SOX9: variants seen among roughly 807,000 people sequenced by gnomAD.
SOX9 encodes transcription factor SOX-9.
In SOX9, 2 loss-of-function variants were observed where a neutral mutation model predicts 44.8. The observed-to-expected ratio is 0.04, with a 90% CI of 0.02 to 0.14. The LOEUF is 0.14. Among genes scored for constraint, SOX9 ranks in the 10% least tolerant of loss-of-function variants. SOX9 has a pLI of 1.00. For synonymous variants in SOX9, 381 were observed against 331.8 expected (o/e 1.15, Z -1.61); for missense variants, 583 against 728.6 (o/e 0.80, Z 2.30).
In SOX9 at chr17:72,122,821, G is replaced by A. The variant is rs1447795220; in HGVS notation, c.534G>A (p.Arg178=). The A allele has an allele frequency of 7.4e-6, 12 of 1,614,186 alleles. No individual in the cohort carries two copies. In the East Asian group the frequency reaches 1.8e-4, roughly 24 times the overall value. ...DHPDYKYQPR[R]RKSVKNGQAE... is the part of the protein sequence containing the mutation. ...CGGATTACAAGTACCAGCCGCGGCG[G>A]AGGAAGTCGGTGAAGAACGGGCAGG... is the stretch of plus-strand genomic sequence containing the variant. The change falls in exon 2 of 3, where the codon CGG becomes CGA. Residue 178 remains arginine, a synonymous_variant. Transcript: ENST00000245479.
Position 72,122,867 on chromosome 17 carries a change from G to A in SOX9, c.580G>A (p.Glu194Lys), listed in dbSNP as rs1174185362. ...NGQAEAEEAT[E>K]QTHISPNAIF... Reference sequence around the variant, plus strand: ...GCAGGCGGAGGCAGAGGAGGCCACGGAGCAGACGCACATCTCCCCCAACGC... The same window carrying A: ...GCAGGCGGAGGCAGAGGAGGCCACGAAGCAGACGCACATCTCCCCCAACGC... The change falls in exon 2 of 3, where the codon GAG becomes AAG. Residue 194 changes from glutamate (E) to lysine (K), a missense_variant. Coordinates refer to ENST00000245479, the MANE Select transcript of SOX9 (RefSeq NM_000346.4). 6.2e-7 allele frequency: 1 copy of A among 1,614,052 alleles called. No homozygotes were observed.
intron 1 of SOX9, 106 bp from the exon 2 acceptor site, chr17:72,122,613 C>T: frequency 3.9e-6 from 4 of 1,018,324 alleles, no homozygotes; most frequent in Non-Finnish European, 6.0e-6. Flanking sequence ...CAGAGGAAGC[C>T]GAGTGGTCTG....
In SOX9 at chr17:72,121,076, G is replaced by C. The variant is rs535114105; in HGVS notation, c.-316G>C. 3 of 545,130 alleles carry C rather than the reference G, an allele frequency of 5.5e-6. No homozygotes were observed. In the Admixed American group the frequency reaches 1.1e-4, roughly 19 times the overall value. 33.8% of individuals were successfully genotyped at this position (545,130 alleles called of 1,614,324 possible). Reference sequence around the variant, plus strand: ...GGAAACTTCAGTGGCGCGGAGACTCGCCAGTTTCAACCCCGGAAACTTTTC... The same window carrying C: ...GGAAACTTCAGTGGCGCGGAGACTCCCCAGTTTCAACCCCGGAAACTTTTC... On this transcript the variant is annotated 5_prime_UTR_variant, in exon 1 of 3. Transcript: ENST00000245479. This position sits in a 1 kb window ranked among gnomAD's most constrained non-coding sequence, Gnocchi z 8.3.
rs1287394939 is a variant in SOX9 at position 72,124,313 on chromosome 17, G to A, written c.1456G>A (p.Val486Ile). The A allele has an allele frequency of 1.9e-6, 3 of 1,606,142 alleles. No homozygotes were observed. Among genetic ancestry groups the A allele is most frequent in the Non-Finnish European group, 2.5e-6 (3 of 1,179,954 alleles). The change falls in exon 3 of 3, where the codon GTC (valine) becomes ATC (isoleucine). Residue 486 changes from valine (V) to isoleucine (I), a missense_variant. Around this residue, in one of 7 missense-constraint regions of SOX9, gnomAD observed 349 missense variants for 387.0 expected, o/e 0.90. Coordinates refer to ENST00000245479, the MANE Select transcript of SOX9 (RefSeq NM_000346.4). The surrounding 1 kb of genome is among the most constrained non-coding windows in gnomAD (Gnocchi z 4.6). Reference protein sequence around the residue: ...MYTPIADTSGVPSIPQTHSPQ... With the variant: ...MYTPIADTSGIPSIPQTHSPQ... ...CACCCCCATCGCCGACACCTCTGGG[G>A]TCCCTTCCATCCCGCAGACCCACAG...
Position 72,124,365 on chromosome 17 carries a change from A to G in SOX9, c.1508A>G (p.Tyr503Cys), listed in dbSNP as rs2143258970. ...HSPQHWEQPV[Y>C]TQLTRP ...CCCCAGCACTGGGAACAACCCGTCT[A>G]CACACAGCTCACTCGACCTTGAGGA... The change falls in exon 3 of 3, where the codon TAC (tyrosine) becomes TGC (cysteine). Residue 503 changes from tyrosine (Y) to cysteine (C), a missense_variant. Physicochemically the swap from Tyr to Cys is radical, Grantham distance 194. Transcript: ENST00000245479. This position sits in a 1 kb window ranked among gnomAD's most constrained non-coding sequence, Gnocchi z 4.6. 6.2e-7 allele frequency: 1 copy of G among 1,600,514 alleles called. No individual in the cohort carries two copies. The highest frequency in any genetic ancestry group is 8.5e-7 in the Non-Finnish European group (1 of 1,179,958).
Position 72,124,358 on chromosome 17 carries a change from C to A in SOX9, c.1501C>A (p.Pro501Thr), listed in dbSNP as rs2143258882. 1 of 1,600,688 alleles carries A rather than the reference C, an allele frequency of 6.2e-7. No homozygotes were observed. The highest frequency in any genetic ancestry group is 1.3e-5 in the African/African-American group (1 of 75,018). ...CCACAGCCCCCAGCACTGGGAACAA[C>A]CCGTCTACACACAGCTCACTCGACC... is the stretch of plus-strand genomic sequence containing the variant. ...QTHSPQHWEQ[P>T]VYTQLTRP The change falls in exon 3 of 3, where the codon CCC (proline) becomes ACC (threonine). Residue 501 changes from proline (P) to threonine (T), a missense_variant. Transcript: ENST00000245479. This position sits in a 1 kb window ranked among gnomAD's most constrained non-coding sequence, Gnocchi z 4.6.
chr17:72,123,476 G>A lies in SOX9; in HGVS notation c.686-67G>A, dbSNP rs1163148900. On this transcript the variant is annotated intron_variant, in intron 2 of 2. Transcript: ENST00000245479. This position sits in a 1 kb window ranked among gnomAD's most constrained non-coding sequence, Gnocchi z 6.5. ...CAGCGAGGGAGGGTCCCCGGAGGGT[G>A]CCTAAGACTAGGGCGTCTGCACAGC... 5 of 1,607,522 alleles carry A rather than the reference G, an allele frequency of 3.1e-6. No individual in the cohort carries two copies. In the African/African-American group the frequency reaches 4.0e-5, roughly 13 times the overall value.
In SOX9 at chr17:72,126,255, T is replaced by C. The variant is rs1397112942; in HGVS notation, c.*1868T>C. On this transcript the variant is annotated 3_prime_UTR_variant, in exon 3 of 3. Coordinates refer to ENST00000245479, the MANE Select transcript of SOX9 (RefSeq NM_000346.4). Reference sequence around the variant, plus strand: ...TGGCATTTAAATCATATTTTGTCTTTAGGTAAAAGCTTTGGTTTGTGTTCG... The same window carrying C: ...TGGCATTTAAATCATATTTTGTCTTCAGGTAAAAGCTTTGGTTTGTGTTCG... The C allele has an allele frequency of 1.3e-5, 3 of 233,220 alleles. No homozygotes were observed. Among genetic ancestry groups the C allele is most frequent in the South Asian group, 1.8e-4 (1 of 5,524 alleles). The allele number at this position is 233,220 out of a possible 1,614,324, so 14.4% of individuals were successfully genotyped here.
rs1480485290 is a variant in SOX9 at position 72,125,562 on chromosome 17, T to A, written c.*1175T>A. 8.8e-6 allele frequency: 2 copies of A among 228,424 alleles called. No homozygotes were observed. Among genetic ancestry groups the A allele is most frequent in the Non-Finnish European group, 1.7e-5 (2 of 115,222 alleles). 14.1% of individuals were successfully genotyped at this position (228,424 alleles called of 1,614,324 possible). A position where few individuals can be genotyped will look rare whatever the true frequency, so the allele number is the denominator to read the frequency against. On this transcript the variant is annotated 3_prime_UTR_variant, in exon 3 of 3. Coordinates refer to ENST00000245479, the MANE Select transcript of SOX9 (RefSeq NM_000346.4). ...TAAAACAAAAAAAAATTCTTTTTTT[T>A]TTTTTTTTCCAATTTTACCTTCTTT...
rs772231279 is a variant in SOX9, at chr17:72,123,815, G to A, written c.958G>A (p.Gly320Ser). 2.0e-5 allele frequency: 32 copies of A among 1,611,182 alleles called. 1 individual carries two copies. The South Asian group carries it at 3.0e-4, about 15-fold the overall frequency. ...HGQVTYTGSY[G>S]ISSTAATPAS... is the part of the protein sequence containing the mutation. Reference sequence around the variant, plus strand: ...CCAGGTCACCTACACGGGCAGCTACGGCATCAGCAGCACCGCGGCCACCCC... The same window carrying A: ...CCAGGTCACCTACACGGGCAGCTACAGCATCAGCAGCACCGCGGCCACCCC... Residue 320 changes from glycine to serine, a missense_variant, in exon 3 of 3, where the codon GGC becomes AGC. By Grantham distance (56) the Gly-to-Ser change is moderately conservative (BLOSUM62 0). Transcript: ENST00000245479. The surrounding 1 kb of genome is among the most constrained non-coding windows in gnomAD (Gnocchi z 6.5).
Position 72,121,354 on chromosome 17 carries a change from C to A in SOX9, c.-38C>A, listed in dbSNP as rs752855026. The A allele has an allele frequency of 6.3e-7, 1 of 1,595,904 alleles. No individual in the cohort carries two copies. Among genetic ancestry groups the A allele is most frequent in the South Asian group, 1.1e-5 (1 of 90,456 alleles). ...GTCCCCGAGCCGCCGCGGCTTCTCG[C>A]CTTTCCCGGCCACCAGCCCCCTGCC... On this transcript the variant is annotated 5_prime_UTR_variant, in exon 1 of 3. Coordinates refer to ENST00000245479, the MANE Select transcript of SOX9 (RefSeq NM_000346.4). This position sits in a 1 kb window ranked among gnomAD's most constrained non-coding sequence, Gnocchi z 8.3.
chr17:72,123,803 A>T lies in SOX9; in HGVS notation c.946A>T (p.Thr316Ser), dbSNP rs1316101365. ...VPATHGQVTYTGSYGISSTAA... is the reference protein window; with the variant it reads ...VPATHGQVTYSGSYGISSTAA... ...GGCCACGCACGGCCAGGTCACCTACACGGGCAGCTACGGCATCAGCAGCAC... is the reference window on the plus strand; with the variant it reads ...GGCCACGCACGGCCAGGTCACCTACTCGGGCAGCTACGGCATCAGCAGCAC... The change falls in exon 3 of 3, where the codon ACG (threonine) becomes TCG (serine). Residue 316 changes from threonine to serine, a missense_variant. Thr to Ser is a moderately conservative substitution (Grantham distance 58). Around this residue, in one of 7 missense-constraint regions of SOX9, gnomAD observed 349 missense variants for 387.0 expected, o/e 0.90. Coordinates refer to ENST00000245479, the MANE Select transcript of SOX9 (RefSeq NM_000346.4). The surrounding 1 kb of genome is among the most constrained non-coding windows in gnomAD (Gnocchi z 6.5). 2 of 1,611,990 alleles carry T rather than the reference A, an allele frequency of 1.2e-6. No individual in the cohort carries two copies. The highest frequency in any genetic ancestry group is 1.7e-6 in the Non-Finnish European group (2 of 1,179,616).
In SOX9 at chr17:72,123,454, C is replaced by T. The variant is rs1355978365; in HGVS notation, c.686-89C>T. 6.4e-7 allele frequency: 1 copy of T among 1,569,406 alleles called. No homozygotes were observed. Among genetic ancestry groups the T allele is most frequent in the Non-Finnish European group, 8.8e-7 (1 of 1,141,872 alleles). The stretch of plus-strand genomic sequence containing the variant: ...GCGGGCCCTTATTACACTTTAGCAG[C>T]GAGGGAGGGTCCCCGGAGGGTGCCT... On this transcript the variant is annotated intron_variant, in intron 2 of 2. Coordinates refer to ENST00000245479, the MANE Select transcript of SOX9 (RefSeq NM_000346.4). This position sits in a 1 kb window ranked among gnomAD's most constrained non-coding sequence, Gnocchi z 6.5.
In SOX9 at chr17:72,125,980, G is replaced by T. The variant is rs769581515; in HGVS notation, c.*1593G>T. 8.6e-6 allele frequency: 2 copies of T among 232,348 alleles called. No individual in the cohort carries two copies. The highest frequency in any genetic ancestry group is 8.5e-6 in the Non-Finnish European group (1 of 117,646). The allele number at this position is 232,348 out of a possible 1,614,324, so 14.4% of individuals were successfully genotyped here. A position where few individuals can be genotyped will look rare whatever the true frequency, so the allele number is the denominator to read the frequency against. On this transcript the variant is annotated 3_prime_UTR_variant, in exon 3 of 3. Transcript: ENST00000245479. ...CCATATTTCTCTGCATCTTCTCTTGGAGTGAGGGAGGCTACCTGGAGGGGA... is the reference window on the plus strand; with the variant it reads ...CCATATTTCTCTGCATCTTCTCTTGTAGTGAGGGAGGCTACCTGGAGGGGA...
rs2143257504 is a variant in SOX9 at position 72,124,244 on chromosome 17, T to C, written c.1387T>C (p.Tyr463His). 1 of 1,612,476 alleles carries C rather than the reference T, an allele frequency of 6.2e-7. No individual in the cohort carries two copies. The change falls in exon 3 of 3, where the codon TAC becomes CAC. Residue 463 changes from tyrosine (Y) to histidine (H), a missense_variant. Around this residue, in one of 7 missense-constraint regions of SOX9, gnomAD observed 349 missense variants for 387.0 expected, o/e 0.90. Coordinates refer to ENST00000245479, the MANE Select transcript of SOX9 (RefSeq NM_000346.4). The surrounding 1 kb of genome is among the most constrained non-coding windows in gnomAD (Gnocchi z 4.6). ...SHAAGQGTGL[Y>H]STFTYMNPAQ... ...CGCGGCAGGCCAGGGCACCGGCCTC[T>C]ACTCCACCTTCACCTACATGAACCC...
At chr17:72,122,339 C>T (rs951794914) in intron 1 of SOX9, among the ~76,000 whole-genome samples, 2 of 123,994 alleles carry the variant, frequency 1.6e-5, no homozygotes, top group African/African-American at 3.2e-5. Context: ...AATTGGGGAC[C>T]TTCTTGCAGC....
rs1474624879 is a variant in SOX9, at chr17:72,123,661, C to T, written c.804C>T (p.Ile268=). ...PLPEGGRQPP[I]DFRDVDIGEL... is the part of the protein sequence containing the mutation. ...CAGAGGGGGGCAGACAGCCCCCTAT[C>T]GACTTCCGCGACGTGGACATCGGCG... Residue 268 remains isoleucine (I), a synonymous_variant, in exon 3 of 3, where the codon ATC becomes ATT. Transcript: ENST00000245479. The surrounding 1 kb of genome is among the most constrained non-coding windows in gnomAD (Gnocchi z 6.5). 2.5e-6 allele frequency: 4 copies of T among 1,594,296 alleles called. No individual in the cohort carries two copies. Among genetic ancestry groups the T allele is most frequent in the East Asian group, 2.3e-5 (1 of 43,770 alleles).
In SOX9 at chr17:72,121,059, C is replaced by T. The variant is rs1004590645; in HGVS notation, c.-333C>T. 2 of 543,528 alleles carry T rather than the reference C, an allele frequency of 3.7e-6. No homozygotes were observed. The highest frequency in any genetic ancestry group is 4.0e-5 in the African/African-American group (2 of 49,564). 33.7% of individuals were successfully genotyped at this position (543,528 alleles called of 1,614,324 possible). ...GGAGCTCGAAACTGACTGGAAACTT[C>T]AGTGGCGCGGAGACTCGCCAGTTTC... On this transcript the variant is annotated 5_prime_UTR_variant, in exon 1 of 3. Coordinates refer to ENST00000245479, the MANE Select transcript of SOX9 (RefSeq NM_000346.4). This position sits in a 1 kb window ranked among gnomAD's most constrained non-coding sequence, Gnocchi z 8.3.
At position 72,121,991 on chromosome 17, in the gene SOX9, G is replaced by A. The variant is rs367644007; in HGVS notation, c.431+169G>A. ...GGGGTGTAACTGTGGCTCAGAGTTTGACAAAGTTCTTGGGCTGCTCGCGGG... is the reference window on the plus strand; with the variant it reads ...GGGGTGTAACTGTGGCTCAGAGTTTAACAAAGTTCTTGGGCTGCTCGCGGG... On this transcript the variant is annotated intron_variant, in intron 1 of 2. Transcript: ENST00000245479. The surrounding 1 kb of genome is among the most constrained non-coding windows in gnomAD (Gnocchi z 8.3). 9.2e-5 allele frequency among the ~76,000 whole-genome samples: 14 copies of A among 152,358 alleles called. No individual in the cohort carries two copies. Among genetic ancestry groups the A allele is most frequent in the East Asian group, 5.8e-4 (3 of 5,166 alleles).
Sources: allele counts gnomAD v4.1 joint callset (sites outside exome capture counted in the v4.1 genomes callset), GRCh38; gene constraint gnomAD v4.1.1; regional missense constraint gnomAD v4.1.1; non-coding constraint Gnocchi (gnomAD v3.1); transcripts MANE v1.5; gene names NCBI Gene and HGNC (gene_info 2026-07-23, HGNC 2026-07-21).